The following DCAF15 variants were observed in gnomAD, a reference collection of about 807,000 sequenced individuals.
The protein encoded by DCAF15 is DDB1- and CUL4-associated factor 15.
A neutral mutation model predicts 68.0 loss-of-function variants in DCAF15; 24 were observed. That is an observed-to-expected ratio of 0.35 (90% confidence interval 0.26 to 0.50). The LOEUF (loss-of-function observed/expected upper bound fraction) is 0.50, where lower values mean the gene tolerates loss of function less well. Ranked by LOEUF, DCAF15 falls within the 20% of genes least tolerant of loss-of-function variation. The pLI is 0.98. For synonymous variants in DCAF15, 376 were observed against 341.6 expected (o/e 1.10, Z -1.11); for missense variants, 627 against 830.6 (o/e 0.75, Z 3.01).
chr19:13,959,497 A>G lies in DCAF15; in HGVS notation c.1219+18A>G, dbSNP rs909496153. 1 of 1,608,790 alleles carries G rather than the reference A, an allele frequency of 6.2e-7. No individual in the cohort carries two copies. The highest frequency in any genetic ancestry group is 1.7e-5 in the Admixed American group (1 of 59,842). ...GGAGGATGGTGAGCGGGGGGCAGGC[A>G]TGTGACAGGGCCTGGGATGGAGAGG... On this transcript the variant is annotated intron_variant, in intron 7 of 12. Transcript: ENST00000254337.
chr19:13,954,023 G>A (rs1235389454), intron 1 of DCAF15, among the ~76,000 whole-genome samples: 1 of 152,182 alleles, frequency 6.6e-6, no homozygotes, highest in Non-Finnish European at 1.5e-5. Context: ...GCCCAGCGTG[G>A]GACAGGGTGA....
chr19:13,954,626 T>C lies in DCAF15; in HGVS notation c.331T>C (p.Trp111Arg). ...DFSFYIYHLY[W>R]WEFNVHSKLK... ...CTCCTTCTACATCTACCATCTGTACTGGTGGGAGTTCAACGTTCACAGCAA... is the reference window on the plus strand; with the variant it reads ...CTCCTTCTACATCTACCATCTGTACCGGTGGGAGTTCAACGTTCACAGCAA... Residue 111 changes from tryptophan to arginine, a missense_variant, in exon 3 of 13, where the codon TGG (tryptophan) becomes CGG (arginine). Around this residue, in one of 3 missense-constraint regions of DCAF15, gnomAD observed 273 missense variants for 393.7 expected, o/e 0.69. Coordinates refer to ENST00000254337, the MANE Select transcript of DCAF15 (RefSeq NM_138353.4). The C allele has an allele frequency of 6.2e-7, 1 of 1,614,206 alleles. No individual in the cohort carries two copies. The highest frequency in any genetic ancestry group is 1.3e-5 in the African/African-American group (1 of 75,068).
At chr19:13,956,638 A>T in intron 6 of DCAF15, 116 bp downstream of exon 6, 1 of 1,202,290 alleles carries the variant, frequency 8.3e-7, no homozygotes, top group Non-Finnish European at 1.2e-6. Context: ...TCCCCAAGTC[A>T]CACAGCCTGG....
At position 13,960,308 on chromosome 19, in the gene DCAF15, C is replaced by G; in HGVS notation, c.1548C>G (p.Ser516Arg). 1 of 1,614,088 alleles carries G rather than the reference C, an allele frequency of 6.2e-7. No individual in the cohort carries two copies. The highest frequency in any genetic ancestry group is 8.5e-7 in the Non-Finnish European group (1 of 1,180,026). The stretch of plus-strand genomic sequence containing the variant: ...GTAGACCAAAGACCTATCACACCAG[C>G]CTCAAGGTGGCATGGGACCTCAACA... ...GQLRPKTYHT[S>R]LKVAWDLNTG... The change falls in exon 11 of 13, where the codon AGC (serine) becomes AGG (arginine). Residue 516 changes from serine (S) to arginine (R), a missense_variant. Around this residue, in one of 3 missense-constraint regions of DCAF15, gnomAD observed 118 missense variants for 211.8 expected, o/e 0.56. Transcript: ENST00000254337.
intron 1 of DCAF15, chr19:13,952,990 A>G (rs1973144960): frequency 8.1e-6 from 9 of 1,117,978 alleles, no homozygotes; most frequent in Non-Finnish European, 1.2e-5. Context: ...CTCTGCTCCC[A>G]TGGTTGCTCC....
chr19:13,958,916 A>C (rs570402935), intron 6 of DCAF15, 129 bp from the exon 7 acceptor site: 1 of 1,190,158 alleles, frequency 8.4e-7, no homozygotes, highest in Admixed American at 2.3e-5. Context: ...GGGTGTTTCA[A>C]ACTGATCTCA....
At chr19:13,960,208 A>G (rs954718651) in intron 10 of DCAF15, 79 bp from the exon 11 acceptor site, 6 of 1,564,662 alleles carry the variant, frequency 3.8e-6, no homozygotes, top group Non-Finnish European at 5.3e-6. Flanking sequence ...CCAAAGACAA[A>G]AGGCCCTCAG....
chr19:13,958,189 TG>T (rs1676535930), intron 6 of DCAF15, among the ~76,000 whole-genome samples: 1 of 152,172 alleles, frequency 6.6e-6, no homozygotes, highest in African/African-American at 2.4e-5. Flanking sequence ...CTTTTGGCTG[TG>T]GGTCCTGTTA....
In DCAF15 at chr19:13,961,092, A is replaced by T; in HGVS notation, c.*97A>T. On this transcript the variant is annotated 3_prime_UTR_variant, in exon 13 of 13. Coordinates refer to ENST00000254337, the MANE Select transcript of DCAF15 (RefSeq NM_138353.4). ...CTCTTCCTGGCCGGCTGGCCCACCG[A>T]CTGATGACCGGCACTAGTGTTAGCC... is the stretch of plus-strand genomic sequence containing the variant. The T allele has an allele frequency of 2.1e-6, 3 of 1,436,480 alleles. No homozygotes were observed. Among genetic ancestry groups the T allele is most frequent in the Non-Finnish European group, 2.9e-6 (3 of 1,035,878 alleles). 89.0% of individuals were successfully genotyped at this position (1,436,480 alleles called of 1,614,324 possible).
rs764064990 is a variant in DCAF15, at chr19:13,960,076, G to A, written c.1526+7G>A. On this transcript the variant is annotated splice_region_variant and intron_variant, in intron 10 of 12. Coordinates refer to ENST00000254337, the MANE Select transcript of DCAF15 (RefSeq NM_138353.4). ...CTGAGGAGGGCCAGCTCCGGTGAGCGCGGGGATCCTGCCCTCTCTGTCCAC... is the reference window on the plus strand; with the variant it reads ...CTGAGGAGGGCCAGCTCCGGTGAGCACGGGGATCCTGCCCTCTCTGTCCAC... 21 of 1,613,254 alleles carry A rather than the reference G, an allele frequency of 1.3e-5. No individual in the cohort carries two copies. Among genetic ancestry groups the A allele is most frequent in the Non-Finnish European group, 1.7e-5 (20 of 1,179,898 alleles).
chr19:13,960,687 G>GAGGGCAGCCC, intron 12 of DCAF15, 107 bp downstream of exon 12: 1 of 1,215,426 alleles, frequency 8.2e-7, no homozygotes, highest in East Asian at 2.6e-5. Context: ...CTGGTGAGGA[G>GAGGGCAGCCC]AGGGCAGCCC....
At chr19:13,955,417 A>G (rs1973318995) in intron 3 of DCAF15, among the ~76,000 whole-genome samples, 1 of 152,360 alleles carries the variant, frequency 6.6e-6, no homozygotes, top group Admixed American at 6.5e-5. Context: ...CTCTGTCTCA[A>G]AAAAGAAAAA....
intron 6 of DCAF15, among the ~76,000 whole-genome samples, chr19:13,956,852 C>G (rs770993458): frequency 1.3e-5 from 2 of 152,204 alleles, no homozygotes; most frequent in Non-Finnish European, 2.9e-5. Context: ...ACCTCCCAGG[C>G]TCAAGCAATT....
chr19:13,953,068 T>G (rs745833918), intron 1 of DCAF15: 123 of 1,548,546 alleles, frequency 7.9e-5, no homozygotes, highest in Non-Finnish European at 1.0e-4. Context: ...CCGCCTGATG[T>G]TCCTCTCCCT....
At position 13,959,205 on chromosome 19, in the gene DCAF15, C is replaced by T. The variant is rs141456591; in HGVS notation, c.945C>T (p.Pro315=). ...CTTCTGGGTCTCCTGAGCCCTCGCC[C>T]GCCATTGCCAAAGCCAAGGAGTTTG... ...ARSSGSPEPS[P]AIAKAKEFVA... is the part of the protein sequence containing the mutation. The change falls in exon 7 of 13, where the codon CCC becomes CCT. Residue 315 remains proline (P), a synonymous_variant. Transcript: ENST00000254337. The T allele has an allele frequency of 2.9e-5, 47 of 1,613,088 alleles. No homozygotes were observed. The African/African-American group carries it at 3.1e-4, about 11-fold the overall frequency.
Position 13,959,498 on chromosome 19 carries a change from T to C in DCAF15, c.1219+19T>C. 1.2e-6 allele frequency: 2 copies of C among 1,608,452 alleles called. No homozygotes were observed. Among genetic ancestry groups the C allele is most frequent in the Non-Finnish European group, 1.7e-6 (2 of 1,176,864 alleles). On this transcript the variant is annotated intron_variant, in intron 7 of 12. Coordinates refer to ENST00000254337, the MANE Select transcript of DCAF15 (RefSeq NM_138353.4). Reference sequence around the variant, plus strand: ...GAGGATGGTGAGCGGGGGGCAGGCATGTGACAGGGCCTGGGATGGAGAGGC... The same window carrying C: ...GAGGATGGTGAGCGGGGGGCAGGCACGTGACAGGGCCTGGGATGGAGAGGC...
chr19:13,954,011 T>C (rs1973221570), intron 1 of DCAF15, among the ~76,000 whole-genome samples: 1 of 152,048 alleles, frequency 6.6e-6, no homozygotes, highest in Admixed American at 6.6e-5. Context: ...GGGAAGCAGG[T>C]GGCCCAGCGT....
rs1599459448 is a variant in DCAF15, at chr19:13,954,350, A to T, written c.143A>T (p.Gln48Leu). The change falls in exon 2 of 13, where the codon CAG becomes CTG. Residue 48 changes from glutamine to leucine, a missense_variant. Around this residue, in one of 3 missense-constraint regions of DCAF15, gnomAD observed 273 missense variants for 393.7 expected, o/e 0.69. Transcript: ENST00000254337. ...KQLERVKISG[Q>L]LSPRLFRKLP... The stretch of plus-strand genomic sequence containing the variant: ...CCACCCCTTCCCCAGATCAGCGGAC[A>T]GCTCTCCCCTCGCCTCTTCCGGAAG... 6.2e-7 allele frequency: 1 copy of T among 1,613,220 alleles called. No homozygotes were observed. Among genetic ancestry groups the T allele is most frequent in the Non-Finnish European group, 8.5e-7 (1 of 1,179,914 alleles).
At chr19:13,958,821 G>GTA (rs60906061) in intron 6 of DCAF15, among the ~76,000 whole-genome samples, 4,895 of 152,218 alleles carry the variant, frequency 0.032, 257 homozygotes, top group African/African-American at 0.11. Flanking sequence ...GGGGCGCTCA[G>GTA]TAGACAGCTT....
Sources: allele counts gnomAD v4.1 joint callset (sites outside exome capture counted in the v4.1 genomes callset), GRCh38; gene constraint gnomAD v4.1.1; regional missense constraint gnomAD v4.1.1; transcripts MANE v1.5; gene names NCBI Gene and HGNC (gene_info 2026-07-23, HGNC 2026-07-21).